Variants in GRIA1 observed in about 807,000 individuals in gnomAD.
The protein encoded by GRIA1 is glutamate receptor 1.
In GRIA1, 31 loss-of-function variants were observed where a neutral mutation model predicts 99.2. That is an observed-to-expected ratio of 0.31 (90% CI 0.23 to 0.42). The LOEUF is 0.42. Ranked by LOEUF, GRIA1 falls within the 10% of genes least tolerant of loss-of-function variation. The pLI is 1.00. For synonymous variants in GRIA1, 438 were observed against 432.4 expected (o/e 1.01, Z -0.16); for missense variants, 782 against 1,157.5 (o/e 0.68, Z 4.71).
At chr5:153,494,102 C>T (rs199614753) in intron 2 of GRIA1, 37 bp downstream of exon 2, 123 of 1,600,040 alleles carry the variant, frequency 7.7e-5, no homozygotes, top group Admixed American at 2.2e-4. Flanking sequence ...TGTCTTTCTG[C>T]GCTAGACCAA....
At chr5:153,789,866 G>A (rs953280246) in intron 13 of GRIA1, among the ~76,000 whole-genome samples, 8 of 150,148 alleles carry the variant, frequency 5.3e-5, no homozygotes, top group Admixed American at 3.3e-4. Flanking sequence ...TCAGCTCGAT[G>A]GTAATCATAA....
Position 153,676,986 on chromosome 5 carries a change from C to A in GRIA1, c.862-8C>A, listed in dbSNP as rs753904191. ...TTGATACCTAACTGTCTCCATTCCT[C>A]CCACTAGTACACCTCTGCGCTCACC... On this transcript the variant is annotated splice_region_variant and splice_polypyrimidine_tract_variant and intron_variant, in intron 6 of 15. Transcript: ENST00000285900. The A allele has an allele frequency of 1.4e-6, 2 of 1,393,896 alleles. No homozygotes were observed. Among genetic ancestry groups the A allele is most frequent in the Non-Finnish European group, 1.9e-6 (2 of 1,061,284 alleles). The allele number at this position is 1,393,896 out of a possible 1,614,324, so 86.3% of individuals were successfully genotyped here.
At chr5:153,501,125 C>T (rs1754975032) in intron 2 of GRIA1, among the ~76,000 whole-genome samples, 1 of 152,324 alleles carries the variant, frequency 6.6e-6, no homozygotes, top group East Asian at 1.9e-4. Flanking sequence ...CTTGCACATT[C>T]AGGGCGCATT....
chr5:153,527,288 G>A (rs942955298), intron 2 of GRIA1, among the ~76,000 whole-genome samples: 1 of 152,158 alleles, frequency 6.6e-6, no homozygotes, highest in Non-Finnish European at 1.5e-5. Context: ...AAATCCTGGG[G>A]AAGGGATTAG....
intron 8 of GRIA1, among the ~76,000 whole-genome samples, chr5:153,690,799 T>C (rs757754818): frequency 6.6e-6 from 1 of 152,216 alleles, no homozygotes; most frequent in Non-Finnish European, 1.5e-5. Context: ...TTTCTTAGAA[T>C]GTGGGCTTAA....
intron 2 of GRIA1, among the ~76,000 whole-genome samples, chr5:153,589,529 G>A (rs1763780779): frequency 6.6e-6 from 1 of 152,034 alleles, no homozygotes; most frequent in Non-Finnish European, 1.5e-5. Context: ...ACTGAAATCG[G>A]CCACCCAGCA....
intron 5 of GRIA1, among the ~76,000 whole-genome samples, chr5:153,671,284 A>G (rs1756152301): frequency 6.6e-6 from 1 of 152,196 alleles, no homozygotes; most frequent in African/African-American, 2.4e-5. Context: ...AATGCCCAGG[A>G]CCTTGTTACA....
At chr5:153,718,823 G>A (rs1434115375) in intron 11 of GRIA1, among the ~76,000 whole-genome samples, 1 of 152,176 alleles carries the variant, frequency 6.6e-6, no homozygotes, top group African/African-American at 2.4e-5. Flanking sequence ...CTGGCCAGAG[G>A]AAAGTCCAGA....
At chr5:153,800,484 AG>A (rs1341323001) in intron 14 of GRIA1, among the ~76,000 whole-genome samples, 3 of 152,242 alleles carry the variant, frequency 2.0e-5, no homozygotes, top group Admixed American at 6.5e-5. Flanking sequence ...TACCCTTATC[AG>A]GCCATTATAG....
At chr5:153,745,444 C>G (rs1404309401) in intron 11 of GRIA1, among the ~76,000 whole-genome samples, 1 of 151,578 alleles carries the variant, frequency 6.6e-6, no homozygotes, top group Non-Finnish European at 1.5e-5. Flanking sequence ...AAAAAATTAG[C>G]TGGGTGTGGT....
intron 3 of GRIA1, among the ~76,000 whole-genome samples, chr5:153,647,781 C>T (rs1754266340): frequency 6.6e-6 from 1 of 152,170 alleles, no homozygotes; most frequent in Non-Finnish European, 1.5e-5. Context: ...TTGAATTTAA[C>T]ATCACATTTT....
intron 5 of GRIA1, among the ~76,000 whole-genome samples, chr5:153,659,476 A>G (rs1027366490): frequency 3.3e-5 from 5 of 152,130 alleles, no homozygotes; most frequent in African/African-American, 4.8e-5. Flanking sequence ...CTGACTGTGC[A>G]TTCACTCCCT....
chr5:153,649,185 C>T (rs1455026144), intron 3 of GRIA1, among the ~76,000 whole-genome samples: 1 of 152,176 alleles, frequency 6.6e-6, no homozygotes, highest in African/African-American at 2.4e-5. Context: ...TAGACACCAA[C>T]ACAGCCCTGC....
intron 11 of GRIA1, among the ~76,000 whole-genome samples, chr5:153,710,824 G>A (rs918612722): frequency 3.9e-5 from 6 of 152,158 alleles, no homozygotes; most frequent in Non-Finnish European, 5.9e-5. Flanking sequence ...ACAAATTATC[G>A]TGAATGTGTA....
intron 2 of GRIA1, among the ~76,000 whole-genome samples, chr5:153,520,631 A>G (rs1757052147): frequency 6.6e-6 from 1 of 152,160 alleles, no homozygotes; most frequent in South Asian, 2.1e-4. Flanking sequence ...AAGACTTCCT[A>G]GATCTAGTGC....
intron 11 of GRIA1, among the ~76,000 whole-genome samples, chr5:153,749,013 G>A (rs1034552264): frequency 6.6e-6 from 1 of 152,180 alleles, no homozygotes. Flanking sequence ...ACAGGGATAA[G>A]AAGAGGGCTG....
In GRIA1 at chr5:153,591,785, C is replaced by CCA. The variant is rs1334771172; in HGVS notation, c.221-55138_221-55137dup. 3.3e-5 allele frequency among the ~76,000 whole-genome samples: 5 copies of CCA among 152,156 alleles called. No homozygotes were observed. The East Asian group carries it at 9.6e-4, about 29-fold the overall frequency. On this transcript the variant is annotated intron_variant, in intron 2 of 15. Transcript: ENST00000285900. ...AAGGCAGATTCCTGCAGCAAGAATG[C>CCA]CACACAAGTCAGAAAGTAGGCCAGA...
intron 14 of GRIA1, chr5:153,795,427 TA>T (rs1385931618): frequency 1.2e-5 from 12 of 996,218 alleles, no homozygotes; most frequent in Non-Finnish European, 1.6e-5. Flanking sequence ...CTGAATAACA[TA>T]AAATAACATT....
At chr5:153,801,615 G>T (rs940770488) in intron 14 of GRIA1, among the ~76,000 whole-genome samples, 3 of 152,094 alleles carry the variant, frequency 2.0e-5, no homozygotes, top group African/African-American at 7.2e-5. Flanking sequence ...CAGCCACCTG[G>T]GTCTGCCTCC....
Sources: allele counts gnomAD v4.1 joint callset (sites outside exome capture counted in the v4.1 genomes callset), GRCh38; gene constraint gnomAD v4.1.1; transcripts MANE v1.5; gene names NCBI Gene and HGNC (gene_info 2026-07-23, HGNC 2026-07-21).